Variants in UBASH3A observed in about 807,000 individuals in gnomAD.
The protein encoded by UBASH3A is ubiquitin associated and SH3 domain containing A, also known as ubiquitin-associated and SH3 domain-containing protein A.
In UBASH3A, 63 loss-of-function variants were observed where a neutral mutation model predicts 73.5. The ratio of observed to expected loss-of-function variants is 0.86; its 90% CI spans 0.70 to 1.06. The LOEUF (loss-of-function observed/expected upper bound fraction) is 1.06, where lower values mean the gene tolerates loss of function less well. UBASH3A is among the 50% of genes least tolerant of loss of function. UBASH3A has a pLI of 0.00. For synonymous variants in UBASH3A, 363 were observed against 351.1 expected, an observed-to-expected ratio of 1.03 and a Z score of -0.38; for missense variants, 860 against 859.0, an observed-to-expected ratio of 1.00 and a Z score of -0.02.
At chr21:42,443,935 G>A (rs1421659023) in intron 13 of UBASH3A, among the ~76,000 whole-genome samples, 1 of 152,210 alleles carries the variant, frequency 6.6e-6, no homozygotes, top group Non-Finnish European at 1.5e-5. Flanking sequence ...GGAAACAAAA[G>A]AGACAGAGAG....
At chr21:42,435,760 T>C (rs1042847024) in intron 10 of UBASH3A, among the ~76,000 whole-genome samples, 8 of 151,900 alleles carry the variant, frequency 5.3e-5, no homozygotes, top group African/African-American at 7.3e-5. Context: ...TATAGAGTTA[T>C]AGAGTTAGTT....
intron 9 of UBASH3A, among the ~76,000 whole-genome samples, 193 bp from the exon 10 acceptor site, chr21:42,434,636 ATGT>A (rs2053594921): frequency 6.6e-6 from 1 of 152,212 alleles, no homozygotes; most frequent in African/African-American, 2.4e-5. Context: ...ATTTGAGAAA[ATGT>A]TGTGTGCACA....
intron 8 of UBASH3A, among the ~76,000 whole-genome samples, chr21:42,430,135 C>T (rs1380799758): frequency 1.3e-5 from 2 of 152,078 alleles, no homozygotes; most frequent in Non-Finnish European, 2.9e-5. Flanking sequence ...TTCTGGTGTC[C>T]CTTCCTTCCC....
intron 10 of UBASH3A, chr21:42,435,437 C>T (rs2053609085): frequency 6.5e-6 from 1 of 152,848 alleles, no homozygotes; most frequent in Non-Finnish European, 1.5e-5. Flanking sequence ...AAATGGAATC[C>T]AGAGAAGCAA....
chr21:42,445,899 T>G (rs2146617590), intron 14 of UBASH3A, among the ~76,000 whole-genome samples: 1 of 152,248 alleles, frequency 6.6e-6, no homozygotes, highest in Admixed American at 6.5e-5. Flanking sequence ...CTGGGGACTG[T>G]CCGGGGCAGC....
intron 2 of UBASH3A, 120 bp downstream of exon 2, chr21:42,406,481 C>T: frequency 1.2e-6 from 1 of 806,390 alleles, no homozygotes; most frequent in Non-Finnish European, 2.1e-6. Context: ...GGGATGGGGC[C>T]ACTGCGGAAG....
intron 6 of UBASH3A, 27 bp from the exon 7 acceptor site, chr21:42,418,374 C>T (rs373776343): frequency 8.1e-6 from 13 of 1,596,168 alleles, no homozygotes; most frequent in South Asian, 2.2e-5. Context: ...TTGCTCGAGA[C>T]GTGAAACCCC....
At chr21:42,405,394 G>A (rs942682527) in intron 1 of UBASH3A, among the ~76,000 whole-genome samples, 1 of 152,310 alleles carries the variant, frequency 6.6e-6, no homozygotes, top group South Asian at 2.1e-4. Context: ...GTCCACGCTG[G>A]ATTTTACTAC....
chr21:42,419,593 T>G (rs764385789), intron 7 of UBASH3A, among the ~76,000 whole-genome samples: 15 of 152,350 alleles, frequency 9.8e-5, no homozygotes, highest in Non-Finnish European at 1.9e-4. Context: ...TCTAGCAGTC[T>G]GTTCATGGTG....
chr21:42,410,396 A>G, intron 3 of UBASH3A: 1 of 552,976 alleles, frequency 1.8e-6, no homozygotes, highest in Non-Finnish European at 3.2e-6. Context: ...GAATTCCATC[A>G]GGGCCCAAGG....
At chr21:42,445,797 GC>G (rs2146617395) in intron 14 of UBASH3A, among the ~76,000 whole-genome samples, 1 of 152,178 alleles carries the variant, frequency 6.6e-6, no homozygotes, top group Non-Finnish European at 1.5e-5. Context: ...ATTTCCGAGC[GC>G]CCTGGATTCT....
chr21:42,409,765 T>C (rs2146496313), intron 3 of UBASH3A, among the ~76,000 whole-genome samples, 157 bp downstream of exon 3: 1 of 152,344 alleles, frequency 6.6e-6, no homozygotes, highest in Middle Eastern at 3.4e-3. Flanking sequence ...TTTATTTTCC[T>C]CTTTGCCTTC....
chr21:42,428,722 G>T, intron 8 of UBASH3A, among the ~76,000 whole-genome samples: 1 of 152,070 alleles, frequency 6.6e-6, no homozygotes, highest in Middle Eastern at 3.4e-3. Flanking sequence ...TAGGGGGAGA[G>T]CCTGGAATGG....
At position 42,443,392 on chromosome 21, in the gene UBASH3A, A is replaced by G. The variant is rs559208250; in HGVS notation, c.1712A>G (p.Gln571Arg). Residue 571 changes from glutamine (Q) to arginine (R), a missense_variant, in exon 13 of 15, where the codon CAA (glutamine) becomes CGA (arginine). Gln to Arg is a conservative substitution (Grantham distance 43). Coordinates refer to ENST00000319294, the MANE Select transcript of UBASH3A (RefSeq NM_018961.4). The stretch of plus-strand genomic sequence containing the variant: ...GACAGGTGCACGGCGAGCATGGTGC[A>G]AATCGTCAACACCTGTCCACAGGAC... ...YMDRCTASMV[Q>R]IVNTCPQDTG... 1.5e-5 allele frequency: 24 copies of G among 1,612,682 alleles called. No homozygotes were observed. In the Admixed American group the frequency reaches 2.3e-4, roughly 16 times the overall value.
chr21:42,426,818 C>G lies in UBASH3A; in HGVS notation c.1168C>G (p.Gln390Glu). ...ARSLSSLQAL[Q>E]ATVARKSVLV... ...GAGTCTTAGCAGCTTACAGGCCTTG[C>G]AGGTAATAGAACATTCCCTTTTTTC... The change falls in exon 8 of 15, where the codon CAG becomes GAG. Residue 390 changes from glutamine (Q) to glutamate (E), a missense_variant and splice_region_variant. By Grantham distance (29) the Gln-to-Glu change is conservative. Coordinates refer to ENST00000319294, the MANE Select transcript of UBASH3A (RefSeq NM_018961.4). The G allele has an allele frequency of 1.2e-6, 2 of 1,613,690 alleles. No individual in the cohort carries two copies. Among genetic ancestry groups the G allele is most frequent in the Non-Finnish European group, 1.7e-6 (2 of 1,179,798 alleles).
intron 7 of UBASH3A, among the ~76,000 whole-genome samples, chr21:42,424,515 C>T (rs1243640561): frequency 6.6e-6 from 1 of 152,176 alleles, no homozygotes; most frequent in Non-Finnish European, 1.5e-5. Context: ...AGCTTCCAAT[C>T]CTCTGTCCAG....
intron 6 of UBASH3A, among the ~76,000 whole-genome samples, chr21:42,417,320 A>T (rs2053231765): frequency 6.9e-6 from 1 of 144,478 alleles, no homozygotes; most frequent in Non-Finnish European, 1.5e-5. Flanking sequence ...GCTACTCGGG[A>T]GGCTGAGGCA....
Position 42,418,388 on chromosome 21 carries a change from G to C in UBASH3A, c.838-13G>C. On this transcript the variant is annotated splice_polypyrimidine_tract_variant and intron_variant, in intron 6 of 14. Transcript: ENST00000319294. ...TTTGCTCGAGACGTGAAACCCCTTT[G>C]CCTCTTTTCTAGACCCTGAGAGCCC... is the stretch of plus-strand genomic sequence containing the variant. The C allele has an allele frequency of 6.2e-7, 1 of 1,603,728 alleles. No individual in the cohort carries two copies. The highest frequency in any genetic ancestry group is 8.5e-7 in the Non-Finnish European group (1 of 1,171,134).
In UBASH3A at chr21:42,447,186, G is replaced by A. The variant is rs754311187; in HGVS notation, c.1978G>A (p.Gly660Ser). The A allele has an allele frequency of 6.8e-6, 11 of 1,613,962 alleles. No homozygotes were observed. In the South Asian group the frequency reaches 1.2e-4, roughly 18 times the overall value. The change falls in exon 15 of 15, where the codon GGC becomes AGC. Residue 660 changes from glycine to serine, a missense_variant. Gly to Ser is a moderately conservative substitution (Grantham distance 56). Coordinates refer to ENST00000319294, the MANE Select transcript of UBASH3A (RefSeq NM_018961.4). ...ATTTAACTGGAGGAACTGGATCTCAGGCAACTGAGAGCCACGGTGATGTTG... is the reference window on the plus strand; with the variant it reads ...ATTTAACTGGAGGAACTGGATCTCAAGCAACTGAGAGCCACGGTGATGTTG... ...AAFNWRNWISGN is the reference protein window; with the variant it reads ...AAFNWRNWISSN
Sources: allele counts gnomAD v4.1 joint callset (sites outside exome capture counted in the v4.1 genomes callset), GRCh38; gene constraint gnomAD v4.1.1; transcripts MANE v1.5; gene names NCBI Gene and HGNC (gene_info 2026-07-23, HGNC 2026-07-21).